Variants in TPGS2 observed in about 807,000 individuals in gnomAD.
TPGS2 encodes the protein tubulin polyglutamylase complex subunit 2, also known as polyglutamylase subunit 2.
Under a neutral mutation model 31.1 loss-of-function variants are expected in TPGS2, and 26 were observed. The observed-to-expected ratio is 0.84, with a 90% CI of 0.61 to 1.16. The LOEUF (loss-of-function observed/expected upper bound fraction) is 1.16, where lower values mean the gene tolerates loss of function less well. Ranked by LOEUF, TPGS2 falls within the 50% of genes most tolerant of loss-of-function variation. TPGS2 has a pLI of 0.00. For missense variants in TPGS2, 351 were observed against 363.8 expected, an observed-to-expected ratio of 0.96 and a Z score of 0.29; for synonymous variants, 130 against 136.6, an observed-to-expected ratio of 0.95 and a Z score of 0.34.
chr18:36,798,223 C>T, intron 6 of TPGS2: 1 of 1,375,872 alleles, frequency 7.3e-7, no homozygotes, highest in Non-Finnish European at 9.4e-7. Flanking sequence ...ATAAAACTCC[C>T]CAGTTAATTC....
At chr18:36,802,339 C>G (rs1443172294) in intron 4 of TPGS2, among the ~76,000 whole-genome samples, 1 of 152,188 alleles carries the variant, frequency 6.6e-6, no homozygotes, top group Non-Finnish European at 1.5e-5. Context: ...ACTGTAGACA[C>G]CATTCCAGCT....
chr18:36,814,827 G>C (rs1297156663), intron 2 of TPGS2, among the ~76,000 whole-genome samples: 2 of 152,178 alleles, frequency 1.3e-5, no homozygotes, highest in South Asian at 2.1e-4. Flanking sequence ...ACAGTCCTTA[G>C]AGCTCTTTAA....
At chr18:36,824,389 G>C (rs1014324384) in intron 1 of TPGS2, among the ~76,000 whole-genome samples, 1 of 152,168 alleles carries the variant, frequency 6.6e-6, no homozygotes, top group South Asian at 2.1e-4. Context: ...TCCAGAAAGG[G>C]AATCCAGAAA....
intron 1 of TPGS2, among the ~76,000 whole-genome samples, chr18:36,827,786 ATC>A (rs1474948722): frequency 2.0e-5 from 3 of 152,206 alleles, no homozygotes; most frequent in Non-Finnish European, 4.4e-5. Context: ...CCTCTGTGAC[ATC>A]TCTGAGTAAC....
In TPGS2 at chr18:36,807,911, T is replaced by G. The variant is rs774283591; in HGVS notation, c.189A>C (p.Glu63Asp). The change falls in exon 3 of 7, where the codon GAA (glutamate) becomes GAC (aspartate). Residue 63 changes from glutamate (E) to aspartate (D), a missense_variant. Physicochemically the swap from Glu to Asp is conservative, Grantham distance 45. Coordinates refer to ENST00000334295, the MANE Select transcript of TPGS2 (RefSeq NM_015476.4). ...TCATCAGGTAAAAGTTCTTCACATC[T>G]TCAGGCATCACACAGTTATTCTTCT... ...WEQKNNCVMP[E>D]DVKNFYLMTN... 9.3e-6 allele frequency: 15 copies of G among 1,614,172 alleles called. No homozygotes were observed. The highest frequency in any genetic ancestry group is 1.3e-5 in the Non-Finnish European group (15 of 1,180,030).
intron 2 of TPGS2, among the ~76,000 whole-genome samples, chr18:36,811,458 A>C (rs763781456): frequency 2.5e-4 from 38 of 152,196 alleles, no homozygotes; most frequent in Non-Finnish European, 4.7e-4. Flanking sequence ...GTGAAGAAAA[A>C]AATATATAAA....
In TPGS2 at chr18:36,795,263, T is replaced by G; in HGVS notation, c.*1542A>C. 1.0e-6 allele frequency: 1 copy of G among 985,426 alleles called. No homozygotes were observed. The highest frequency in any genetic ancestry group is 1.2e-6 in the Non-Finnish European group (1 of 829,954). 61.0% of individuals were successfully genotyped at this position (985,426 alleles called of 1,614,324 possible). A position where few individuals can be genotyped will look rare whatever the true frequency, so the allele number is the denominator to read the frequency against. Reference sequence around the variant, plus strand: ...ACTGCTCTTAGTTCCCCAGTGGGTTTGGAAGAGGGAAACCCTGGGTCGATT... The same window carrying G: ...ACTGCTCTTAGTTCCCCAGTGGGTTGGGAAGAGGGAAACCCTGGGTCGATT... On this transcript the variant is annotated 3_prime_UTR_variant, in exon 7 of 7. Transcript: ENST00000334295.
At chr18:36,802,961 A>C (rs1029669577) in intron 4 of TPGS2, among the ~76,000 whole-genome samples, 2 of 151,956 alleles carry the variant, frequency 1.3e-5, no homozygotes, top group African/African-American at 4.8e-5. Flanking sequence ...TTAAAGTTTT[A>C]TTTTTTTAAT....
downstream of TPGS2, chr18:36,780,161 G>A (rs866183703): frequency 2.6e-5 from 32 of 1,231,836 alleles, no homozygotes; most frequent in South Asian, 8.2e-5. Flanking sequence ...AAGCACCCTC[G>A]CTTGGAACGG....
chr18:36,823,737 G>C, intron 1 of TPGS2: 1 of 728,224 alleles, frequency 1.4e-6, no homozygotes, highest in Non-Finnish European at 1.7e-6. Flanking sequence ...TGGGATTACA[G>C]GCGTGAGCCA....
intron 5 of TPGS2, among the ~76,000 whole-genome samples, chr18:36,798,942 G>A (rs1018948162): frequency 1.7e-4 from 26 of 152,176 alleles, no homozygotes; most frequent in Admixed American, 1.7e-3. Context: ...CCGGTAGGGG[G>A]GCGGAATACT....
chr18:36,828,889 A>C lies in TPGS2; in HGVS notation c.-122T>G, dbSNP rs1428857082. 1.6e-6 allele frequency: 2 copies of C among 1,249,008 alleles called. No individual in the cohort carries two copies. Among genetic ancestry groups the C allele is most frequent in the African/African-American group, 1.5e-5 (1 of 67,198 alleles). The allele number at this position is 1,249,008 out of a possible 1,614,324, so 77.4% of individuals were successfully genotyped here. ...TTCTCGGCGCCTGAAAGCGCGGCGC[A>C]GTGATGATGGGGGCCCGGGGTTGGT... On this transcript the variant is annotated 5_prime_UTR_variant, in exon 1 of 7. Coordinates refer to ENST00000334295, the MANE Select transcript of TPGS2 (RefSeq NM_015476.4).
rs756425742 is a variant in TPGS2 at position 36,796,758 on chromosome 18, T to C, written c.*47A>G. On this transcript the variant is annotated 3_prime_UTR_variant, in exon 7 of 7. Coordinates refer to ENST00000334295, the MANE Select transcript of TPGS2 (RefSeq NM_015476.4). ...GGTCACCCCTAGGGCCATCTGTGCA[T>C]GGAAACCACCACTCTGGAGCTGGTA... The C allele has an allele frequency of 5.7e-6, 9 of 1,571,138 alleles. No individual in the cohort carries two copies. The highest frequency in any genetic ancestry group is 6.9e-6 in the Non-Finnish European group (8 of 1,167,184).
downstream of TPGS2, among the ~76,000 whole-genome samples, chr18:36,792,073 A>G (rs72883558): frequency 0.12 from 17,883 of 151,694 alleles, 1,300 homozygotes; most frequent in Admixed American, 0.17. Flanking sequence ...CAAGATCCCA[A>G]GGGTAAGAGC....
chr18:36,810,890 C>T (rs949154750), intron 2 of TPGS2, among the ~76,000 whole-genome samples: 19 of 152,158 alleles, frequency 1.2e-4, no homozygotes, highest in Non-Finnish European at 1.8e-4. Context: ...GGGCTAGGGG[C>T]TGTCCATTGC....
chr18:36,794,101 C>T (rs921482013), downstream of TPGS2: 2 of 216,218 alleles, frequency 9.2e-6, no homozygotes, highest in African/African-American at 4.7e-5. Flanking sequence ...TAGTAAAATG[C>T]ATGATAGGAA....
At chr18:36,793,311 CA>C (rs2150545548), downstream of TPGS2, among the ~76,000 whole-genome samples, 1 of 152,326 alleles carries the variant, frequency 6.6e-6, no homozygotes, top group African/African-American at 2.4e-5. Flanking sequence ...CAGAGAACTC[CA>C]TTGGACCCAT....
downstream of TPGS2, chr18:36,782,050 G>T: frequency 1.8e-6 from 1 of 559,114 alleles, no homozygotes; most frequent in Non-Finnish European, 2.3e-6. Flanking sequence ...ACTGAATGCA[G>T]ATTTGGAATG....
intron 1 of TPGS2, among the ~76,000 whole-genome samples, chr18:36,823,475 T>TTTTTTTTTTTTTTTTC (rs2045989007): frequency 6.9e-6 from 1 of 144,550 alleles, no homozygotes; most frequent in African/African-American, 2.6e-5. Context: ...TTTTTTTTTT[T>TTTTTTTTTTTTTTTTC]TTTGAGACGG....
Sources: gnomAD v4.1 joint callset for allele counts (sites outside exome capture counted in the v4.1 genomes callset) on GRCh38, gnomAD v4.1.1 for gene constraint, MANE v1.5 for transcripts, NCBI Gene and HGNC (gene_info 2026-07-23, HGNC 2026-07-21) for gene names.